Variants in TRIM37 observed in about 807,000 individuals in gnomAD.
TRIM37 encodes tripartite motif containing 37.
A neutral mutation model predicts 129.8 loss-of-function variants in TRIM37; 80 were observed. The observed-to-expected ratio is 0.62, with a 90% CI of 0.51 to 0.74. The LOEUF is 0.74. TRIM37 is among the 30% of genes least tolerant of loss of function. TRIM37 has a pLI of 0.00. For missense variants in TRIM37, 1,054 were observed against 1,176.5 expected (o/e 0.90, Z 1.52); for synonymous variants, 389 against 387.1 (o/e 1.00, Z -0.06).
chr17:59,012,409 T>A lies in TRIM37; in HGVS notation c.2614A>T (p.Met872Leu), dbSNP rs1411063195. 6.2e-7 allele frequency: 1 copy of A among 1,612,016 alleles called. No individual in the cohort carries two copies. The highest frequency in any genetic ancestry group is 8.5e-7 in the Non-Finnish European group (1 of 1,179,910). Residue 872 changes from methionine to leucine, a missense_variant, in exon 22 of 24, where the codon ATG becomes TTG. By Grantham distance (15) the Met-to-Leu change is conservative (BLOSUM62 2). Around this residue, in one of 3 missense-constraint regions of TRIM37, gnomAD observed 287 missense variants for 274.3 expected, o/e 1.05. Coordinates refer to ENST00000262294, the MANE Select transcript of TRIM37 (RefSeq NM_015294.6). ...AKGGHLEGLQ[M>L]TDLENNSETG... ...TCAGAATTATTTTCCAAATCAGTCA[T>A]CTGCAGTCCTTCCAGATGACCTCCT...
intron 9 of TRIM37, among the ~76,000 whole-genome samples, chr17:59,067,945 T>C (rs756886639): frequency 1.8e-4 from 28 of 152,224 alleles, no homozygotes; most frequent in Non-Finnish European, 3.1e-4. Context: ...TTCTTCTCCA[T>C]TGTGGCTCCA....
intron 17 of TRIM37, among the ~76,000 whole-genome samples, chr17:59,034,786 A>G (rs1303019722): frequency 1.3e-5 from 2 of 152,104 alleles, no homozygotes; most frequent in African/African-American, 2.4e-5. Flanking sequence ...GTACATCCCA[A>G]TGAATGCTCA....
intron 2 of TRIM37, 56 bp from the exon 3 acceptor site, chr17:59,091,396 ATTAC>A (rs918283737): frequency 7.2e-5 from 43 of 597,028 alleles, no homozygotes; most frequent in Non-Finnish European, 9.2e-5. Flanking sequence ...ATATATATAT[ATTAC>A]TTAATATTTT....
intron 7 of TRIM37, among the ~76,000 whole-genome samples, chr17:59,077,919 C>T (rs1172701987): frequency 6.7e-6 from 1 of 149,820 alleles, no homozygotes; most frequent in Non-Finnish European, 1.5e-5. Context: ...AGGTCAGGAG[C>T]TCAAGACTAG....
chr17:58,986,016 C>A (rs2031773296), intron 24 of TRIM37, among the ~76,000 whole-genome samples: 2 of 152,152 alleles, frequency 1.3e-5, no homozygotes, highest in Non-Finnish European at 2.9e-5. Context: ...AAAAGGAACA[C>A]CTCTTTCTGA....
At chr17:59,046,376 G>C (rs1223688552) in intron 16 of TRIM37, among the ~76,000 whole-genome samples, 1 of 152,104 alleles carries the variant, frequency 6.6e-6, no homozygotes, top group East Asian at 1.9e-4. Flanking sequence ...GCTCCACTCT[G>C]TATGACGCAG....
At chr17:59,053,859 G>T (rs550056394) in intron 13 of TRIM37, among the ~76,000 whole-genome samples, 1 of 152,216 alleles carries the variant, frequency 6.6e-6, no homozygotes, top group East Asian at 1.9e-4. Context: ...ACCTACTTGG[G>T]AAGTTGAGAC....
chr17:59,106,850 C>T lies in TRIM37; in HGVS notation c.-389G>A, dbSNP rs886053184. 8.4e-6 allele frequency: 3 copies of T among 358,206 alleles called. No homozygotes were observed. The highest frequency in any genetic ancestry group is 1.2e-4 in the East Asian group (2 of 16,064). The allele number at this position is 358,206 out of a possible 1,614,324, so 22.2% of individuals were successfully genotyped here. The stretch of plus-strand genomic sequence containing the variant: ...TCGCAAACACCAACCGTAACCAGAG[C>T]AGCTGGGGGCGCGGCGGCGAGAGAA... On this transcript the variant is annotated 5_prime_UTR_variant, in exon 1 of 24. Coordinates refer to ENST00000262294, the MANE Select transcript of TRIM37 (RefSeq NM_015294.6).
At chr17:59,053,965 T>G (rs1162445269) in intron 13 of TRIM37, among the ~76,000 whole-genome samples, 1 of 151,902 alleles carries the variant, frequency 6.6e-6, no homozygotes, top group Non-Finnish European at 1.5e-5. Flanking sequence ...AAAACATATC[T>G]TTTTCCCTAC....
At chr17:59,080,228 T>C (rs553206046) in intron 6 of TRIM37, among the ~76,000 whole-genome samples, 1 of 152,376 alleles carries the variant, frequency 6.6e-6, no homozygotes, top group East Asian at 1.9e-4. Context: ...AAACAAAATG[T>C]ATTCTAAAAA....
downstream of TRIM37, among the ~76,000 whole-genome samples, chr17:58,996,089 G>C (rs184678840): frequency 6.6e-4 from 101 of 152,126 alleles, no homozygotes; most frequent in Non-Finnish European, 1.0e-3. Context: ...AATTACAAAG[G>C]GGGAAAACGT....
intron 12 of TRIM37, among the ~76,000 whole-genome samples, chr17:59,060,528 T>C (rs1373184641): frequency 1.3e-5 from 2 of 152,150 alleles, no homozygotes; most frequent in Non-Finnish European, 2.9e-5. Context: ...TTGGATGTAA[T>C]ATCAAAGAAG....
At chr17:59,040,057 C>T (rs1292692524) in intron 17 of TRIM37, among the ~76,000 whole-genome samples, 1 of 151,882 alleles carries the variant, frequency 6.6e-6, no homozygotes, top group Non-Finnish European at 1.5e-5. Flanking sequence ...ATTTAGCCAC[C>T]ACATCTGGCT....
At chr17:59,043,180 T>C (rs909294446) in intron 16 of TRIM37, among the ~76,000 whole-genome samples, 6 of 152,214 alleles carry the variant, frequency 3.9e-5, no homozygotes, top group Admixed American at 2.0e-4. Flanking sequence ...TTAAACAACA[T>C]ACTACTTGAA....
chr17:59,030,056 C>A (rs57942089), intron 18 of TRIM37, among the ~76,000 whole-genome samples: 1 of 152,122 alleles, frequency 6.6e-6, no homozygotes, highest in Non-Finnish European at 1.5e-5. Flanking sequence ...CAATCTCACA[C>A]CCTTGGTTTT....
intron 19 of TRIM37, among the ~76,000 whole-genome samples, chr17:59,026,936 T>C (rs919647910): frequency 6.6e-6 from 1 of 152,224 alleles, no homozygotes; most frequent in Admixed American, 6.5e-5. Flanking sequence ...ACCTTAATGA[T>C]TGCTCTTTCA....
chr17:59,020,388 G>A (rs570030275), intron 19 of TRIM37, among the ~76,000 whole-genome samples: 1 of 149,158 alleles, frequency 6.7e-6, no homozygotes, highest in South Asian at 2.1e-4. Context: ...CAAATCAAAG[G>A]AGAAAAAAAA....
intron 19 of TRIM37, among the ~76,000 whole-genome samples, chr17:59,021,037 A>G (rs1470542868): frequency 3.3e-5 from 5 of 152,218 alleles, no homozygotes; most frequent in African/African-American, 1.2e-4. Context: ...CATGTTTACT[A>G]CAGCATTATT....
rs979579220 is a variant in TRIM37 at position 59,020,369 on chromosome 17, T to C, written c.2258-2945A>G. On this transcript the variant is annotated intron_variant, in intron 19 of 23. Transcript: ENST00000262294. The stretch of plus-strand genomic sequence containing the variant: ...AGATGAACAAAATTAGCAAATCCCT[T>C]GAGCAGGTCAAATCAAAGGAGAAAA... Among the ~76,000 whole-genome samples the C allele has an allele frequency of 2.0e-5, 3 of 151,000 alleles. 1 individual carries two copies. The East Asian group carries it at 5.8e-4, about 29-fold the overall frequency.
Sources: allele counts gnomAD v4.1 joint callset (sites outside exome capture counted in the v4.1 genomes callset), GRCh38; gene constraint gnomAD v4.1.1; regional missense constraint gnomAD v4.1.1; transcripts MANE v1.5; gene names NCBI Gene and HGNC (gene_info 2026-07-23, HGNC 2026-07-21).